Variants in TMPRSS5 observed in about 807,000 individuals in gnomAD.
TMPRSS5 encodes transmembrane serine protease 5, also known as transmembrane protease serine 5.
TMPRSS5 carries 45 observed loss-of-function variants against 59.7 expected under a neutral mutation model. That is an observed-to-expected ratio of 0.75 (90% CI 0.59 to 0.97). TMPRSS5 has a LOEUF of 0.97. Ranked by LOEUF, TMPRSS5 falls within the 50% of genes least tolerant of loss-of-function variation. The probability of loss-of-function intolerance (pLI) is 0.00; values close to 1 mark genes in which losing one functional copy is unlikely to be tolerated. For missense variants in TMPRSS5, 585 were observed against 596.7 expected (o/e 0.98, Z 0.20); for synonymous variants, 225 against 232.0 (o/e 0.97, Z 0.27).
rs545275655 is a variant in TMPRSS5, at chr11:113,688,087, C to A, written c.*173G>T. ...TGAAATCAGGGCCCAAGAGGAGAGA[C>A]CTGTTGGCTGGGTGGCTGGCCAGTG... On this transcript the variant is annotated 3_prime_UTR_variant, in exon 13 of 13. Coordinates refer to ENST00000299882, the MANE Select transcript of TMPRSS5 (RefSeq NM_030770.4). 7 of 1,053,460 alleles carry A rather than the reference C, an allele frequency of 6.6e-6. No homozygotes were observed. The highest frequency in any genetic ancestry group is 8.9e-6 in the Non-Finnish European group (7 of 789,200). The allele number at this position is 1,053,460 out of a possible 1,614,324, so 65.3% of individuals were successfully genotyped here. A position where few individuals can be genotyped will look rare whatever the true frequency, so the allele number is the denominator to read the frequency against.
chr11:113,699,268 T>TCTCTCTCTCC, intron 3 of TMPRSS5, among the ~76,000 whole-genome samples: 3 of 66,764 alleles, frequency 4.5e-5, no homozygotes, highest in African/African-American at 2.0e-4. Flanking sequence ...TCTCTCTCTC[T>TCTCTCTCTCC]CTCCCTCTCT....
At chr11:113,698,870 G>A (rs1416106305) in intron 4 of TMPRSS5, 35 bp downstream of exon 4, 1 of 1,567,592 alleles carries the variant, frequency 6.4e-7, no homozygotes, top group Non-Finnish European at 8.6e-7. Flanking sequence ...TCCCTGCTGG[G>A]GAGGGAGGCC....
chr11:113,690,176 G>GGGCC, intron 11 of TMPRSS5, 55 bp downstream of exon 11: 23 of 388,216 alleles, frequency 5.9e-5, no homozygotes, highest in Non-Finnish European at 9.1e-5. Context: ...CAGGCCCCCT[G>GGGCC]CCCTCCCACC....
At chr11:113,698,807 C>T in intron 4 of TMPRSS5, 98 bp downstream of exon 4, 1 of 1,379,542 alleles carries the variant, frequency 7.2e-7, no homozygotes, top group Non-Finnish European at 1.0e-6. Flanking sequence ...ATATGGTTGG[C>T]AGTGAACAGA....
At position 113,691,858 on chromosome 11, in the gene TMPRSS5, G is replaced by A. The variant is rs558369975; in HGVS notation, c.965-919C>T. Among the ~76,000 whole-genome samples, 35 of 147,518 alleles carry A rather than the reference G, an allele frequency of 2.4e-4. 1 individual carries two copies. Among genetic ancestry groups the A allele is most frequent in the African/African-American group, 7.8e-4 (31 of 39,740 alleles). On this transcript the variant is annotated intron_variant, in intron 9 of 12. Transcript: ENST00000299882. ...TTTTTCTTTTAAATACACTTATTTC[G>A]GTCAACTAAGAAAGTTTTCTTTTCC...
chr11:113,695,503 C>T, intron 6 of TMPRSS5, 60 bp from the exon 7 acceptor site: 5 of 1,569,370 alleles, frequency 3.2e-6, no homozygotes, highest in Non-Finnish European at 4.4e-6. Context: ...CCACACACAT[C>T]CAAGGACGTG....
At position 113,695,447 on chromosome 11, in the gene TMPRSS5, C is replaced by T; in HGVS notation, c.579-4G>A. On this transcript the variant is annotated splice_polypyrimidine_tract_variant and splice_region_variant and intron_variant, in intron 6 of 12. Coordinates refer to ENST00000299882, the MANE Select transcript of TMPRSS5 (RefSeq NM_030770.4). ...TTGACCAGAAGTGCAGTTGTTCCTG[C>T]AAAACAGAGGTACCAACAAGAAGCT... 1.2e-6 allele frequency: 2 copies of T among 1,613,898 alleles called. No individual in the cohort carries two copies. Among genetic ancestry groups the T allele is most frequent in the Non-Finnish European group, 1.7e-6 (2 of 1,179,854 alleles).
chr11:113,699,807 C>G, intron 2 of TMPRSS5, 114 bp from the exon 3 acceptor site: 1 of 1,388,688 alleles, frequency 7.2e-7, no homozygotes, highest in African/African-American at 1.4e-5. Flanking sequence ...CAGGACACCT[C>G]CTCCTGCCCC....
intron 3 of TMPRSS5, among the ~76,000 whole-genome samples, chr11:113,699,280 T>C (rs1591386619): frequency 2.9e-5 from 4 of 135,978 alleles, no homozygotes; most frequent in Admixed American, 7.7e-5. Flanking sequence ...TCCCTCTCTC[T>C]CTCTCTCTCT....
In TMPRSS5 at chr11:113,687,590, C is replaced by T. The variant is rs538912894; in HGVS notation, c.*670G>A. 2.0e-5 allele frequency: 3 copies of T among 152,244 alleles called. No homozygotes were observed. Among genetic ancestry groups the T allele is most frequent in the African/African-American group, 7.2e-5 (3 of 41,454 alleles). The allele number at this position is 152,244 out of a possible 1,614,324, so 9.4% of individuals were successfully genotyped here. A position where few individuals can be genotyped will look rare whatever the true frequency, so the allele number is the denominator to read the frequency against. ...ACTTTAATAACAGAACTCCTTGGACCAGTTCACAGAACTGTCATTTAAAAC... is the reference window on the plus strand; with the variant it reads ...ACTTTAATAACAGAACTCCTTGGACTAGTTCACAGAACTGTCATTTAAAAC... On this transcript the variant is annotated 3_prime_UTR_variant, in exon 13 of 13. Transcript: ENST00000299882.
At chr11:113,690,005 T>G in intron 11 of TMPRSS5, 88 bp from the exon 12 acceptor site, 1 of 1,380,378 alleles carries the variant, frequency 7.2e-7, no homozygotes, top group African/African-American at 1.5e-5. Context: ...AAGTGGAATC[T>G]CCTTACTGGG....
intron 6 of TMPRSS5, 115 bp from the exon 7 acceptor site, chr11:113,695,558 T>C (rs1480481176): frequency 3.0e-6 from 3 of 1,008,174 alleles, no homozygotes; most frequent in Non-Finnish European, 4.6e-6. Flanking sequence ...TTCTTAAGGC[T>C]GTCATGTAGC....
Position 113,690,841 on chromosome 11 carries a change from T to C in TMPRSS5, c.1063A>G (p.Thr355Ala), listed in dbSNP as rs1300393570. 1.9e-6 allele frequency: 3 copies of C among 1,583,492 alleles called. No homozygotes were observed. In the South Asian group the frequency reaches 3.5e-5, roughly 18 times the overall value. ...SGWGHTHPSH[T>A]YSSDMLQDTV... ...CCGAGGGCCCAGGGAGCTGACTCACTATGGCTAGGGTGGGTGTGGCCCCAG... is the reference window on the plus strand; with the variant it reads ...CCGAGGGCCCAGGGAGCTGACTCACCATGGCTAGGGTGGGTGTGGCCCCAG... Residue 355 changes from threonine (T) to alanine (A), a missense_variant and splice_region_variant, in exon 10 of 13, where the codon ACT becomes GCT. Transcript: ENST00000299882.
At chr11:113,693,032 A>G (rs1952826033) in intron 9 of TMPRSS5, 39 bp downstream of exon 9, 2 of 1,002,924 alleles carry the variant, frequency 2.0e-6, no homozygotes, top group Admixed American at 2.2e-5. Context: ...CTCTCTCGCC[A>G]TAGTCTCCAG....
intron 3 of TMPRSS5, 23 bp downstream of exon 3, chr11:113,699,572 A>C: frequency 6.4e-7 from 1 of 1,552,678 alleles, no homozygotes; most frequent in Non-Finnish European, 8.7e-7. Context: ...CCCCCACACC[A>C]GAGAAAGGCC....
intron 1 of TMPRSS5, 80 bp from the exon 2 acceptor site, chr11:113,700,248 A>C: frequency 7.9e-7 from 1 of 1,267,000 alleles, no homozygotes; most frequent in Non-Finnish European, 1.1e-6. Flanking sequence ...CCAAGTCCCC[A>C]TTCTTTAACC....
intron 4 of TMPRSS5, among the ~76,000 whole-genome samples, chr11:113,698,251 CCAAA>C (rs10544847): frequency 0.15 from 22,081 of 152,122 alleles, 2,410 homozygotes; most frequent in East Asian, 0.38. Flanking sequence ...TCATGGCAAA[CCAAA>C]CAGACTACTA....
intron 1 of TMPRSS5, among the ~76,000 whole-genome samples, chr11:113,701,759 C>T (rs1038737404): frequency 6.7e-6 from 1 of 149,004 alleles, no homozygotes; most frequent in Admixed American, 6.8e-5. Context: ...ATAAATGAAA[C>T]CATGTGACAT....
intron 1 of TMPRSS5, among the ~76,000 whole-genome samples, chr11:113,705,781 T>C (rs530803974): frequency 2.6e-5 from 4 of 152,314 alleles, no homozygotes; most frequent in Non-Finnish European, 5.9e-5. Flanking sequence ...ATGGCCAGTC[T>C]TTTCTTCTGC....
Sources: gnomAD v4.1 joint callset for allele counts (sites outside exome capture counted in the v4.1 genomes callset) on GRCh38, gnomAD v4.1.1 for gene constraint, MANE v1.5 for transcripts, NCBI Gene and HGNC (gene_info 2026-07-23, HGNC 2026-07-21) for gene names.